Variants in TTLL1 observed in about 807,000 individuals in gnomAD.
TTLL1 encodes TTL family tubulin polyglutamylase complex subunit L1.
TTLL1 carries 33 observed loss-of-function variants against 47.8 expected under a neutral mutation model. That is an observed-to-expected ratio of 0.69 (90% CI 0.52 to 0.92). The LOEUF is 0.92. Ranked by LOEUF, TTLL1 falls within the 40% of genes least tolerant of loss-of-function variation. TTLL1 has a pLI of 0.00. For missense variants in TTLL1, 488 were observed against 547.5 expected (o/e 0.89, Z 1.08); for synonymous variants, 225 against 214.1 (o/e 1.05, Z -0.45).
intron 9 of TTLL1, 58 bp from the exon 10 acceptor site, chr22:43,046,631 A>T: frequency 6.3e-7 from 1 of 1,587,146 alleles, no homozygotes; most frequent in Non-Finnish European, 8.6e-7. Flanking sequence ...TGGAATGAAA[A>T]TGTGCACTGC....
At chr22:43,088,561 T>C (rs1247334660) in intron 1 of TTLL1, among the ~76,000 whole-genome samples, 1 of 151,250 alleles carries the variant, frequency 6.6e-6, no homozygotes, top group Non-Finnish European at 1.5e-5. Flanking sequence ...GCCAGGATGG[T>C]CTCGATCTCC....
In TTLL1 at chr22:43,068,432, A is replaced by C. The variant is rs1372110665; in HGVS notation, c.481T>G (p.Ser161Ala). ...INKLSQIKKWSRDSKTSSFVS... is the reference protein window; with the variant it reads ...INKLSQIKKWARDSKTSSFVS... ...TACGAAGATGTCTTGCTGTCCCGGG[A>C]CCACTTTTTGATCTGTGAGAGCTTG... The change falls in exon 5 of 11, where the codon TCC becomes GCC. Residue 161 changes from serine to alanine, a missense_variant. By Grantham distance (99) the Ser-to-Ala change is moderately conservative. Transcript: ENST00000266254. The C allele has an allele frequency of 1.3e-6, 2 of 1,540,370 alleles. No homozygotes were observed. Among genetic ancestry groups the C allele is most frequent in the Non-Finnish European group, 1.8e-6 (2 of 1,128,274 alleles).
intron 10 of TTLL1, 192 bp from the exon 11 acceptor site, chr22:43,040,097 G>A (rs1184705571): frequency 1.4e-5 from 9 of 633,898 alleles, no homozygotes; most frequent in East Asian, 3.1e-5. Flanking sequence ...GGTGGCTCTC[G>A]CAGCCCAGCA....
chr22:43,052,042 C>T (rs575983604), intron 8 of TTLL1, 155 bp from the exon 9 acceptor site: 7 of 667,942 alleles, frequency 1.0e-5, no homozygotes, highest in South Asian at 1.7e-5. Flanking sequence ...TCCTCTCCCT[C>T]TTCCTCCCGC....
intron 4 of TTLL1, among the ~76,000 whole-genome samples, chr22:43,068,961 T>C (rs765771291): frequency 3.3e-5 from 5 of 152,092 alleles, no homozygotes; most frequent in Admixed American, 3.3e-4. Flanking sequence ...TATCCCGGAC[T>C]TGGACAGGGA....
intron 8 of TTLL1, among the ~76,000 whole-genome samples, chr22:43,055,475 G>A (rs1023438627): frequency 1.3e-5 from 2 of 152,002 alleles, no homozygotes; most frequent in Admixed American, 1.3e-4. Context: ...GGGACTATAG[G>A]CATGCACCAC....
intron 5 of TTLL1, among the ~76,000 whole-genome samples, chr22:43,066,980 T>C (rs1172236917): frequency 6.6e-6 from 1 of 150,378 alleles, no homozygotes; most frequent in Non-Finnish European, 1.5e-5. Context: ...AGAGTGAGAC[T>C]CCATCTCAAA....
At chr22:43,060,205 T>C (rs1445936726) in intron 7 of TTLL1, among the ~76,000 whole-genome samples, 1 of 152,106 alleles carries the variant, frequency 6.6e-6, no homozygotes, top group African/African-American at 2.4e-5. Context: ...GGCTGTGGAG[T>C]GCTGCCGGGA....
intron 8 of TTLL1, among the ~76,000 whole-genome samples, chr22:43,058,559 G>A (rs758678360): frequency 1.3e-5 from 2 of 152,210 alleles, no homozygotes; most frequent in Non-Finnish European, 2.9e-5. Context: ...CAGGGCCTGT[G>A]GCTACACCTG....
chr22:43,051,232 C>T (rs117216210), intron 9 of TTLL1, among the ~76,000 whole-genome samples: 2,635 of 152,354 alleles, frequency 0.017, 37 homozygotes, highest in Admixed American at 0.026. Context: ...CTGAGAAGCG[C>T]GCCAGCGCCC....
chr22:43,073,306 G>C (rs1403245920), intron 3 of TTLL1, among the ~76,000 whole-genome samples: 3 of 150,578 alleles, frequency 2.0e-5, no homozygotes, highest in Non-Finnish European at 4.4e-5. Context: ...GATTATAGGT[G>C]TGAGCCACTG....
intron 3 of TTLL1, among the ~76,000 whole-genome samples, chr22:43,070,729 C>G (rs1414397051): frequency 6.6e-6 from 1 of 152,142 alleles, no homozygotes; most frequent in Non-Finnish European, 1.5e-5. Flanking sequence ...CGTGGCCAGT[C>G]TCGTTTAGTC....
rs191017397 is a variant in TTLL1 at position 43,084,646 on chromosome 22, C to T, written c.-90+4631G>A. On this transcript the variant is annotated intron_variant, in intron 1 of 10. Coordinates refer to ENST00000266254, the MANE Select transcript of TTLL1 (RefSeq NM_012263.5). ...CCTCCCGAGTAGCCAGGACTACAGG[C>T]GCCCGCCACCACGCCCGGATAATTT... 5.0e-3 allele frequency among the ~76,000 whole-genome samples: 766 copies of T among 152,224 alleles called. 6 individuals are homozygous for T. Among genetic ancestry groups the T allele is most frequent in the African/African-American group, 0.017 (725 of 41,546 alleles).
At position 43,066,145 on chromosome 22, in the gene TTLL1, C is replaced by G. The variant is rs12168127; in HGVS notation, c.504-1821G>C. On this transcript the variant is annotated intron_variant, in intron 5 of 10. Transcript: ENST00000266254. ...CTGCAGTCCAGCCTGGGAGACAGAG[C>G]GAGACACTGTCTCAAAAAAAAAAAA... 9.1e-3 allele frequency among the ~76,000 whole-genome samples: 1,294 copies of G among 141,732 alleles called. 17 individuals are homozygous for G. Among genetic ancestry groups the G allele is most frequent in the African/African-American group, 0.033 (1,238 of 37,130 alleles). The allele number at this position is 141,732 out of a possible 152,430, so 93.0% of individuals were successfully genotyped here.
At chr22:43,069,592 T>C in intron 4 of TTLL1, 44 bp downstream of exon 4, 1 of 1,612,176 alleles carries the variant, frequency 6.2e-7, no homozygotes, top group Non-Finnish European at 8.5e-7. Flanking sequence ...AAGAAAAAAT[T>C]CAGCTGTTTA....
In TTLL1 at chr22:43,075,477, T is replaced by TA. The variant is rs1569443786; in HGVS notation, c.109dup (p.Tyr37LeufsTer15). 1 of 1,613,890 alleles carries TA rather than the reference T, an allele frequency of 6.2e-7. No individual in the cohort carries two copies. The highest frequency in any genetic ancestry group is 2.2e-5 in the East Asian group (1 of 44,878). ...CAGCCCTGCTGTGTATGCTTACCAG[T>TA]AAAAATTCCAGTCCTCGTTTTCTGT... is the stretch of plus-strand genomic sequence containing the variant. On this transcript the variant is annotated frameshift_variant, in exon 3 of 11. Coordinates refer to ENST00000266254, the MANE Select transcript of TTLL1 (RefSeq NM_012263.5). LOFTEE classifies it high-confidence loss of function.
intron 5 of TTLL1, among the ~76,000 whole-genome samples, chr22:43,067,632 G>A (rs368783202): frequency 1.8e-4 from 28 of 152,172 alleles, no homozygotes; most frequent in African/African-American, 6.5e-4. Context: ...GACAGATGAC[G>A]CACGCCTGTA....
intron 10 of TTLL1, among the ~76,000 whole-genome samples, chr22:43,042,938 C>CTTTT (rs59595664): frequency 2.3e-5 from 3 of 129,738 alleles, no homozygotes; most frequent in African/African-American, 2.9e-5. Context: ...GCTGCTTTTT[C>CTTTT]TTTTTTTTTT....
intron 3 of TTLL1, among the ~76,000 whole-genome samples, chr22:43,073,090 C>T (rs1928235723): frequency 6.6e-6 from 1 of 151,390 alleles, no homozygotes; most frequent in African/African-American, 2.4e-5. Flanking sequence ...TCTTAGCTAA[C>T]TGCAACCTCC....
Sources: gnomAD v4.1 joint callset for allele counts (sites outside exome capture counted in the v4.1 genomes callset) on GRCh38, gnomAD v4.1.1 for gene constraint, MANE v1.5 for transcripts, NCBI Gene and HGNC (gene_info 2026-07-23, HGNC 2026-07-21) for gene names.